FAM193A: variants seen among roughly 807,000 people sequenced by gnomAD.
FAM193A encodes the protein family with sequence similarity 193 member A.
FAM193A carries 22 observed loss-of-function variants against 126.5 expected under a neutral mutation model. That is an observed-to-expected ratio of 0.17 (90% CI 0.12 to 0.25). The LOEUF (loss-of-function observed/expected upper bound fraction) is 0.25, where lower values mean the gene tolerates loss of function less well. FAM193A is among the 10% of genes least tolerant of loss of function. The pLI is 1.00. For synonymous variants in FAM193A, 761 were observed against 646.8 expected, an observed-to-expected ratio of 1.18 and a Z score of -2.68; for missense variants, 1,675 against 1,672.8, an observed-to-expected ratio of 1.00 and a Z score of -0.02.
chr4:2,610,308 T>C (rs1349727969), intron 2 of FAM193A, among the ~76,000 whole-genome samples: 1 of 152,102 alleles, frequency 6.6e-6, no homozygotes, highest in Non-Finnish European at 1.5e-5. Flanking sequence ...ACTACGCCCA[T>C]AGATCAATCA....
intron 6 of FAM193A, among the ~76,000 whole-genome samples, chr4:2,644,802 A>T (rs1277150244): frequency 6.6e-6 from 1 of 152,202 alleles, no homozygotes; most frequent in African/African-American, 2.4e-5. Context: ...CCATGAAAAG[A>T]TCCTAATTTC....
rs114303258 is a variant in FAM193A at position 2,631,917 on chromosome 4, A to G, written c.1038+748A>G. On this transcript the variant is annotated intron_variant, in intron 5 of 20. Coordinates refer to ENST00000637812, the MANE Select transcript of FAM193A (RefSeq NM_001366318.2). ...CCTCAAAGCTTCCTTGACTGTTACT[A>G]ATAGTCTATGGAGTTTTTCATCACT... Among the ~76,000 whole-genome samples, 704 of 152,304 alleles carry G rather than the reference A, an allele frequency of 4.6e-3. 4 individuals are homozygous for G. The highest frequency in any genetic ancestry group is 8.1e-3 in the Non-Finnish European group (554 of 68,008).
At chr4:2,558,455 C>G (rs1210491228) in intron 1 of FAM193A, among the ~76,000 whole-genome samples, 1 of 152,158 alleles carries the variant, frequency 6.6e-6, no homozygotes, top group African/African-American at 2.4e-5. Flanking sequence ...CGTCATAGCT[C>G]ACTGCAGCCT....
Position 2,731,501 on chromosome 4 carries a change from A to G in FAM193A, c.4455-274A>G, listed in dbSNP as rs569495497. 4.6e-5 allele frequency among the ~76,000 whole-genome samples: 7 copies of G among 152,036 alleles called. No individual in the cohort carries two copies. In the East Asian group the frequency reaches 1.2e-3, roughly 25 times the overall value. Reference sequence around the variant, plus strand: ...ACACCCTGCCTGGGCCTGATAATTTAAGGGCGCTCACAGCTCTCAGATTAA... The same window carrying G: ...ACACCCTGCCTGGGCCTGATAATTTGAGGGCGCTCACAGCTCTCAGATTAA... On this transcript the variant is annotated intron_variant, in intron 20 of 20. Transcript: ENST00000637812.
At chr4:2,667,884 C>T (rs945581670) in intron 12 of FAM193A, among the ~76,000 whole-genome samples, 8 of 152,154 alleles carry the variant, frequency 5.3e-5, no homozygotes, top group African/African-American at 1.4e-4. Flanking sequence ...TAAAAAGAAA[C>T]AAAAATTAAA....
Position 2,690,965 on chromosome 4 carries a change from CA to C in FAM193A, c.2799del (p.Val934Ter), listed in dbSNP as rs1210474977. 1 of 1,612,026 alleles carries C rather than the reference CA, an allele frequency of 6.2e-7. No homozygotes were observed. Among genetic ancestry groups the C allele is most frequent in the African/African-American group, 1.3e-5 (1 of 74,870 alleles). ...AGAGTGTCATCCAAGAGACCTCCTT[CA>C]GTAGGTAAGGCTTGAAGGCTCACTG... is the stretch of plus-strand genomic sequence containing the variant. ...QFRVSSKRPP[S>X]VGDVFHGISK... is the part of the protein sequence containing the mutation. On this transcript the variant is annotated frameshift_variant, in exon 15 of 21. Transcript: ENST00000637812. LOFTEE classifies it high-confidence loss of function.
chr4:2,565,254 CTTTTT>C (rs71644338), intron 1 of FAM193A, among the ~76,000 whole-genome samples: 2 of 50,674 alleles, frequency 3.9e-5, no homozygotes, highest in East Asian at 7.4e-4. Flanking sequence ...ATAGAGTAGC[CTTTTT>C]TTTTTTTTTT....
chr4:2,717,752 CTG>C, intron 20 of FAM193A, among the ~76,000 whole-genome samples: 1 of 109,598 alleles, frequency 9.1e-6, no homozygotes, highest in South Asian at 3.4e-4. Flanking sequence ...AAGACCCTGT[CTG>C]AAAAAAAAAA....
intron 1 of FAM193A, among the ~76,000 whole-genome samples, chr4:2,589,738 C>G (rs969933594): frequency 2.0e-5 from 3 of 152,206 alleles, no homozygotes; most frequent in East Asian, 3.9e-4. Context: ...CCTGCATATG[C>G]TTTGGGAAAG....
chr4:2,553,014 A>C (rs1274873291), intron 1 of FAM193A, among the ~76,000 whole-genome samples: 2 of 151,750 alleles, frequency 1.3e-5, no homozygotes, highest in Admixed American at 6.6e-5. Flanking sequence ...TGCTCAGTTA[A>C]TTTTTTGTAT....
At chr4:2,662,789 G>C in intron 10 of FAM193A, 49 bp from the exon 11 acceptor site, 2 of 1,504,162 alleles carry the variant, frequency 1.3e-6, no homozygotes, top group Non-Finnish European at 1.8e-6. Flanking sequence ...TTTACTCATT[G>C]TCTTTCACAA....
chr4:2,586,117 C>T (rs1390756301), intron 1 of FAM193A, among the ~76,000 whole-genome samples: 5 of 151,834 alleles, frequency 3.3e-5, no homozygotes, highest in Non-Finnish European at 7.4e-5. Context: ...GTGGTGCATG[C>T]CAGTAATCCT....
At chr4:2,567,692 C>T (rs908522443) in intron 1 of FAM193A, among the ~76,000 whole-genome samples, 5 of 152,062 alleles carry the variant, frequency 3.3e-5, no homozygotes, top group South Asian at 4.1e-4. Flanking sequence ...GTGCCTTCTG[C>T]GTTACCAGTA....
Position 2,690,755 on chromosome 4 carries a change from C to T in FAM193A, c.2588C>T (p.Pro863Leu), listed in dbSNP as rs772227270. The stretch of plus-strand genomic sequence containing the variant: ...ACAAGACCGGAAGCCCTTCCACCTC[C>T]ATCTAGCAATGAAACACCTGCAGTC... ...SETRPEALPP[P>L]SSNETPAVSD... The change falls in exon 15 of 21, where the codon CCA becomes CTA. Residue 863 changes from proline to leucine, a missense_variant. By Grantham distance (98) the Pro-to-Leu change is moderately conservative. Around this residue, in one of 4 missense-constraint regions of FAM193A, gnomAD observed 1,186 missense variants for 1,109.2 expected, o/e 1.07. Transcript: ENST00000637812. 2 of 1,614,022 alleles carry T rather than the reference C, an allele frequency of 1.2e-6. No homozygotes were observed. The highest frequency in any genetic ancestry group is 1.7e-5 in the Admixed American group (1 of 60,024).
At chr4:2,571,076 G>A (rs1739266831) in intron 1 of FAM193A, among the ~76,000 whole-genome samples, 1 of 152,122 alleles carries the variant, frequency 6.6e-6, no homozygotes, top group African/African-American at 2.4e-5. Context: ...TTCCTGCCTT[G>A]TCACCTTACC....
At chr4:2,548,853 A>AGT (rs1276182449) in intron 1 of FAM193A, among the ~76,000 whole-genome samples, 1 of 151,736 alleles carries the variant, frequency 6.6e-6, no homozygotes, top group Non-Finnish European at 1.5e-5. Flanking sequence ...CATTTCTAAC[A>AGT]TCTCTGTTTT....
At chr4:2,612,747 C>G (rs76676044) in intron 2 of FAM193A, among the ~76,000 whole-genome samples, 4,365 of 152,244 alleles carry the variant, frequency 0.029, 222 homozygotes, top group African/African-American at 0.099. Context: ...ATGTATGGAT[C>G]TATTATTGGA....
rs371359309 is a variant in FAM193A, at chr4:2,731,895, C to T, written c.*27C>T. On this transcript the variant is annotated 3_prime_UTR_variant, in exon 21 of 21. Transcript: ENST00000637812. ...TGAGGACTCCCTGGAGAGGGACACG[C>T]GAGAGGCAGGCCAGGCTGCACCACC... is the stretch of plus-strand genomic sequence containing the variant. The T allele has an allele frequency of 3.6e-5, 56 of 1,553,236 alleles. No homozygotes were observed. Among genetic ancestry groups the T allele is most frequent in the East Asian group, 9.0e-5 (4 of 44,592 alleles).
chr4:2,656,180 A>C (rs1270764808), intron 7 of FAM193A, among the ~76,000 whole-genome samples: 1 of 152,158 alleles, frequency 6.6e-6, no homozygotes. Flanking sequence ...AGCTTCATAG[A>C]ATGAATTGAG....
Sources: allele counts gnomAD v4.1 joint callset (sites outside exome capture counted in the v4.1 genomes callset), GRCh38; gene constraint gnomAD v4.1.1; regional missense constraint gnomAD v4.1.1; transcripts MANE v1.5; gene names NCBI Gene and HGNC (gene_info 2026-07-23, HGNC 2026-07-21).